ZNRF3: variants seen among roughly 807,000 people sequenced by gnomAD.
ZNRF3 encodes E3 ubiquitin-protein ligase ZNRF3.
In ZNRF3, 23 loss-of-function variants were observed where a neutral mutation model predicts 72.5. That is an observed-to-expected ratio of 0.32 (90% CI 0.23 to 0.45). The LOEUF is 0.45. Among genes scored for constraint, ZNRF3 ranks in the 20% least tolerant of loss-of-function variants. The pLI is 1.00. For synonymous variants in ZNRF3, 610 were observed against 545.3 expected (o/e 1.12, Z -1.65); for missense variants, 1,169 against 1,272.1 (o/e 0.92, Z 1.23).
chr22:28,892,142 TG>T (rs933313119), intron 1 of ZNRF3, among the ~76,000 whole-genome samples: 17 of 152,254 alleles, frequency 1.1e-4, no homozygotes, highest in Non-Finnish European at 1.6e-4. Flanking sequence ...TGAATCCTCT[TG>T]GTTGTTAAAA....
chr22:29,001,440 A>G lies in ZNRF3; in HGVS notation c.426+14239A>G, dbSNP rs185001603. On this transcript the variant is annotated intron_variant, in intron 2 of 8. Transcript: ENST00000544604. ...TGTGGGATATCTTTTCACTTTCTTGATGATAACCTTTGCAACCCAAGATTT... is the reference window on the plus strand; with the variant it reads ...TGTGGGATATCTTTTCACTTTCTTGGTGATAACCTTTGCAACCCAAGATTT... Among the ~76,000 whole-genome samples the G allele has an allele frequency of 2.0e-5, 3 of 147,930 alleles. No individual in the cohort carries two copies. The East Asian group carries it at 6.0e-4, about 30-fold the overall frequency.
chr22:28,999,494 A>G (rs1251569603), intron 2 of ZNRF3, among the ~76,000 whole-genome samples: 2 of 152,138 alleles, frequency 1.3e-5, no homozygotes, highest in African/African-American at 4.8e-5. Context: ...AAGCTACTGA[A>G]CTTGTCTACC....
At chr22:28,918,592 C>T (rs2034452986) in intron 1 of ZNRF3, among the ~76,000 whole-genome samples, 1 of 150,250 alleles carries the variant, frequency 6.7e-6, no homozygotes, top group African/African-American at 2.5e-5. Context: ...AAAGTCTCCT[C>T]AAAAGGAGTA....
chr22:29,016,173 C>G (rs116818711), intron 2 of ZNRF3, among the ~76,000 whole-genome samples: 1,694 of 152,310 alleles, frequency 0.011, 40 homozygotes, highest in African/African-American at 0.039. Context: ...CAGACCTGCA[C>G]AGTGTATCGA....
rs1375815075 is a variant in ZNRF3, at chr22:29,050,013, G to A, written c.1832G>A (p.Gly611Glu). 6.2e-7 allele frequency: 1 copy of A among 1,611,554 alleles called. No individual in the cohort carries two copies. Among genetic ancestry groups the A allele is most frequent in the Non-Finnish European group, 8.5e-7 (1 of 1,179,406 alleles). ...AGCCCCTGTCGTGCCAGTGAGGCGG[G>A]GGGCTCGGGCAGCTCGGGCCGGGGA... Reference protein sequence around the residue: ...SRSPCRASEAGGSGSSGRGPA... With the variant: ...SRSPCRASEAEGSGSSGRGPA... The change falls in exon 8 of 9, where the codon GGG (glycine) becomes GAG (glutamate). Residue 611 changes from glycine to glutamate, a missense_variant. Around this residue, in one of 2 missense-constraint regions of ZNRF3, gnomAD observed 783 missense variants for 731.4 expected, o/e 1.07. Transcript: ENST00000544604.
At chr22:28,921,521 C>T (rs1016739593) in intron 1 of ZNRF3, among the ~76,000 whole-genome samples, 1 of 152,192 alleles carries the variant, frequency 6.6e-6, no homozygotes, top group East Asian at 1.9e-4. Flanking sequence ...GCTGCTGCCT[C>T]CAGGAAGCTC....
chr22:28,918,679 C>T (rs1907195141), intron 1 of ZNRF3, among the ~76,000 whole-genome samples: 1 of 152,098 alleles, frequency 6.6e-6, no homozygotes, highest in African/African-American at 2.4e-5. Flanking sequence ...AGGCACTTTT[C>T]CCTAGGGCGG....
At chr22:28,937,056 A>G (rs895110073) in intron 1 of ZNRF3, among the ~76,000 whole-genome samples, 10 of 151,814 alleles carry the variant, frequency 6.6e-5, no homozygotes, top group African/African-American at 1.9e-4. Flanking sequence ...ATGAGTCTCT[A>G]TCTTTTAAAC....
At chr22:29,002,830 C>T (rs1274159251) in intron 2 of ZNRF3, among the ~76,000 whole-genome samples, 3 of 152,196 alleles carry the variant, frequency 2.0e-5, no homozygotes, top group Non-Finnish European at 2.9e-5. Context: ...GCATGTACTT[C>T]CGAAAGCGCC....
intron 1 of ZNRF3, among the ~76,000 whole-genome samples, chr22:28,928,788 GC>G (rs1208551820): frequency 6.6e-6 from 1 of 151,996 alleles, no homozygotes; most frequent in Non-Finnish European, 1.5e-5. Context: ...GAGCCACCGC[GC>G]CCGGCCCAGA....
intron 1 of ZNRF3, among the ~76,000 whole-genome samples, chr22:28,927,614 C>T (rs1424125757): frequency 1.3e-5 from 2 of 152,144 alleles, no homozygotes; most frequent in Non-Finnish European, 2.9e-5. Flanking sequence ...TGTGTAAGGT[C>T]TTTTAGAGTA....
At chr22:28,884,754 G>A (rs538718464) in intron 1 of ZNRF3, among the ~76,000 whole-genome samples, 72 of 152,336 alleles carry the variant, frequency 4.7e-4, no homozygotes, top group African/African-American at 1.7e-3. Context: ...CTGATGCGAA[G>A]GACCTGCAAA....
At chr22:29,032,604 T>C (rs143631442) in intron 2 of ZNRF3, among the ~76,000 whole-genome samples, 123 of 152,330 alleles carry the variant, frequency 8.1e-4, no homozygotes, top group Non-Finnish European at 1.5e-3. Flanking sequence ...AGAACAGACC[T>C]TTCTAAAAAG....
chr22:28,994,459 G>A (rs1330187432), intron 2 of ZNRF3, among the ~76,000 whole-genome samples: 1 of 151,892 alleles, frequency 6.6e-6, no homozygotes, highest in Non-Finnish European at 1.5e-5. Context: ...AAAGTGCTGG[G>A]ATTACAGGCA....
chr22:28,940,455 T>A (rs777032626), intron 1 of ZNRF3, among the ~76,000 whole-genome samples: 5 of 152,080 alleles, frequency 3.3e-5, no homozygotes, highest in African/African-American at 4.8e-5. Flanking sequence ...AAGAGCAGGA[T>A]TCTTTTTGGA....
At chr22:28,991,802 T>C (rs987865513) in intron 2 of ZNRF3, among the ~76,000 whole-genome samples, 1 of 152,076 alleles carries the variant, frequency 6.6e-6, no homozygotes, top group Non-Finnish European at 1.5e-5. Context: ...TCAATGTTGG[T>C]TTCTTCTCTT....
At chr22:29,043,175 A>C in intron 3 of ZNRF3, 124 bp from the exon 4 acceptor site, 1 of 1,112,342 alleles carries the variant, frequency 9.0e-7, no homozygotes, top group South Asian at 1.7e-5. Flanking sequence ...CCAAGGCTGT[A>C]ATGTTGGAAG....
rs2123884837 is a variant in ZNRF3, at chr22:29,046,825, T to C, written c.854T>C (p.Leu285Pro). The C allele has an allele frequency of 6.2e-7, 1 of 1,610,732 alleles. No individual in the cohort carries two copies. Among genetic ancestry groups the C allele is most frequent in the East Asian group, 2.2e-5 (1 of 44,794 alleles). The change falls in exon 6 of 9, where the codon CTC becomes CCC. Residue 285 changes from leucine to proline, a missense_variant. Transcript: ENST00000544604. ...GGGAGCTGTGGGGCCCTGGACACAC[T>C]CAGCAGCAGCTCCACGTCCGACTGT... Reference protein sequence around the residue: ...REGSCGALDTLSSSSTSDCAI... With the variant: ...REGSCGALDTPSSSSTSDCAI...
chr22:29,052,482 A>G (rs1470748202), intron 8 of ZNRF3, among the ~76,000 whole-genome samples: 2 of 152,148 alleles, frequency 1.3e-5, no homozygotes, highest in Non-Finnish European at 2.9e-5. Context: ...ATCACCAGGT[A>G]AAGAGACCGA....
Sources: gnomAD v4.1 joint callset for allele counts (sites outside exome capture counted in the v4.1 genomes callset) on GRCh38, gnomAD v4.1.1 for gene constraint, gnomAD v4.1.1 regional missense constraint, MANE v1.5 for transcripts, NCBI Gene and HGNC (gene_info 2026-07-23, HGNC 2026-07-21) for gene names.